Variants in RNF217 observed in about 807,000 individuals in gnomAD.
RNF217 encodes ring finger protein 217.
In RNF217, 31 loss-of-function variants were observed where a neutral mutation model predicts 57.8. The observed-to-expected ratio is 0.54, with a 90% CI of 0.40 to 0.72. The LOEUF is 0.72. Ranked by LOEUF, RNF217 falls within the 30% of genes least tolerant of loss-of-function variation. The probability of loss-of-function intolerance (pLI) is 0.00; values close to 1 mark genes in which losing one functional copy is unlikely to be tolerated. For synonymous variants in RNF217, 313 were observed against 294.0 expected, an observed-to-expected ratio of 1.06 and a Z score of -0.66; for missense variants, 696 against 708.3, an observed-to-expected ratio of 0.98 and a Z score of 0.20.
intron 2 of RNF217, among the ~76,000 whole-genome samples, chr6:125,047,252 A>G (rs1787131722): frequency 6.6e-6 from 1 of 152,224 alleles, no homozygotes; most frequent in Admixed American, 6.5e-5. Flanking sequence ...AGTGGGAATA[A>G]CTGAGTAACT....
At chr6:125,065,429 A>G (rs767563174) in intron 3 of RNF217, among the ~76,000 whole-genome samples, 1 of 152,202 alleles carries the variant, frequency 6.6e-6, no homozygotes, top group Non-Finnish European at 1.5e-5. Context: ...ACATGAGAAA[A>G]GCTCAATTCT....
At chr6:125,039,511 A>G (rs770983293) in intron 1 of RNF217, among the ~76,000 whole-genome samples, 13 of 152,138 alleles carry the variant, frequency 8.5e-5, no homozygotes, top group Non-Finnish European at 1.8e-4. Flanking sequence ...GGAGACTTTA[A>G]CACCACATTT....
chr6:125,003,123 C>T (rs1785051210), intron 1 of RNF217, among the ~76,000 whole-genome samples: 1 of 152,150 alleles, frequency 6.6e-6, no homozygotes, highest in African/African-American at 2.4e-5. Context: ...CACACACACA[C>T]ACACATACCT....
intron 1 of RNF217, among the ~76,000 whole-genome samples, chr6:124,999,040 G>T (rs149213998): frequency 5.3e-5 from 8 of 152,172 alleles, no homozygotes; most frequent in African/African-American, 1.9e-4. Flanking sequence ...AGAGCTTGCA[G>T]TTGATTTATA....
intron 3 of RNF217, among the ~76,000 whole-genome samples, chr6:125,059,299 G>T (rs898249232): frequency 7.9e-5 from 12 of 152,250 alleles, no homozygotes; most frequent in African/African-American, 2.4e-4. Context: ...TTCATCCACA[G>T]TCACCCATTT....
intron 1 of RNF217, among the ~76,000 whole-genome samples, chr6:124,999,097 G>A (rs893802690): frequency 6.6e-6 from 1 of 152,158 alleles, no homozygotes; most frequent in Non-Finnish European, 1.5e-5. Context: ...GTGACTTCGT[G>A]CCTCTAAAAA....
chr6:125,074,269 G>A (rs537977261), intron 3 of RNF217, among the ~76,000 whole-genome samples: 8 of 151,628 alleles, frequency 5.3e-5, no homozygotes, highest in Non-Finnish European at 1.0e-4. Flanking sequence ...AAACTCTCCA[G>A]TTAGGTAGGT....
At chr6:125,056,985 GC>G (rs1787548311) in intron 2 of RNF217, among the ~76,000 whole-genome samples, 2 of 152,142 alleles carry the variant, frequency 1.3e-5, no homozygotes, top group South Asian at 4.1e-4. Context: ...AAATATGAAG[GC>G]CCGTTTCTGA....
At chr6:125,024,710 ACT>A (rs1191051577) in intron 1 of RNF217, among the ~76,000 whole-genome samples, 3 of 137,726 alleles carry the variant, frequency 2.2e-5, no homozygotes, top group African/African-American at 8.4e-5. Flanking sequence ...ACAGGGTAAG[ACT>A]CTGTCTCAAA....
intron 1 of RNF217, among the ~76,000 whole-genome samples, chr6:124,967,567 G>A (rs779338970): frequency 8.5e-5 from 13 of 152,092 alleles, no homozygotes; most frequent in Non-Finnish European, 4.4e-5. Context: ...ATATAACTTG[G>A]AATGTATACA....
At position 125,085,214 on chromosome 6, in the gene RNF217, A is replaced by C. The variant is rs1788738840; in HGVS notation, c.*2277A>C. 1 of 151,764 alleles carries C rather than the reference A, an allele frequency of 6.6e-6. No homozygotes were observed. Among genetic ancestry groups the C allele is most frequent in the African/African-American group, 2.4e-5 (1 of 41,380 alleles). 9.4% of individuals were successfully genotyped at this position (151,764 alleles called of 1,614,324 possible). A position where few individuals can be genotyped will look rare whatever the true frequency, so the allele number is the denominator to read the frequency against. On this transcript the variant is annotated 3_prime_UTR_variant, in exon 6 of 6. Coordinates refer to ENST00000521654, the MANE Select transcript of RNF217 (RefSeq NM_001286398.3). The stretch of plus-strand genomic sequence containing the variant: ...TTTAAATAACTTATCTTTTGGACAT[A>C]TTTTTATATTATTTGGAAAACTTTC...
Position 125,076,712 on chromosome 6 carries a change from C to A in RNF217, c.1337C>A (p.Thr446Asn). The change falls in exon 4 of 6, where the codon ACT becomes AAT. Residue 446 changes from threonine (T) to asparagine (N), a missense_variant. Thr to Asn is a moderately conservative substitution (Grantham distance 65). Coordinates refer to ENST00000521654, the MANE Select transcript of RNF217 (RefSeq NM_001286398.3). ...CDHMTCSQCN[T>N]NFCYRCGERY... ...CATATGACCTGCTCACAATGTAACA[C>A]TAATTTTTGTTACCGATGTGGTGAG... is the stretch of plus-strand genomic sequence containing the variant. 6.2e-7 allele frequency: 1 copy of A among 1,613,258 alleles called. No homozygotes were observed. Among genetic ancestry groups the A allele is most frequent in the Non-Finnish European group, 8.5e-7 (1 of 1,179,390 alleles).
At chr6:125,008,170 G>A (rs1785264658) in intron 1 of RNF217, among the ~76,000 whole-genome samples, 1 of 151,966 alleles carries the variant, frequency 6.6e-6, no homozygotes, top group South Asian at 2.1e-4. Flanking sequence ...GCAGGAGAAT[G>A]GCGTGAACCC....
chr6:124,974,913 A>G (rs1783904673), intron 1 of RNF217, among the ~76,000 whole-genome samples: 2 of 152,088 alleles, frequency 1.3e-5, no homozygotes, highest in Non-Finnish European at 2.9e-5. Flanking sequence ...CCTGTTAGAG[A>G]TCTGTATTCC....
At chr6:125,039,556 A>G (rs536713839) in intron 1 of RNF217, among the ~76,000 whole-genome samples, 2 of 152,284 alleles carry the variant, frequency 1.3e-5, no homozygotes, top group African/African-American at 2.4e-5. Flanking sequence ...CAAAATTAAC[A>G]AGGACATTGA....
chr6:124,963,103 T>C lies in RNF217; in HGVS notation c.559T>C (p.Ser187Pro). Residue 187 changes from serine (S) to proline (P), a missense_variant, in exon 1 of 6, where the codon TCG becomes CCG. Physicochemically the swap from Ser to Pro is moderately conservative, Grantham distance 74. This residue lies in a region of RNF217 where 465 missense variants were observed against 386.8 expected (regional missense o/e 1.20). Coordinates refer to ENST00000521654, the MANE Select transcript of RNF217 (RefSeq NM_001286398.3). ...CTCGGAGCAGCTCTCGCCGCCCGCG[T>C]CGCCACCTGGGGCTCCGCCAGTGTT... is the stretch of plus-strand genomic sequence containing the variant. Reference protein sequence around the residue: ...PASEQLSPPASPPGAPPVLNP... With the variant: ...PASEQLSPPAPPPGAPPVLNP... 6.5e-7 allele frequency: 1 copy of C among 1,540,198 alleles called. No individual in the cohort carries two copies. The highest frequency in any genetic ancestry group is 8.7e-7 in the Non-Finnish European group (1 of 1,149,818).
intron 1 of RNF217, among the ~76,000 whole-genome samples, chr6:125,040,052 A>G (rs1177739798): frequency 5.9e-5 from 9 of 152,194 alleles, no homozygotes; most frequent in Non-Finnish European, 1.3e-4. Flanking sequence ...AAGAGCAAAC[A>G]AATTCAAAAG....
At chr6:125,073,356 G>A (rs1013242913) in intron 3 of RNF217, among the ~76,000 whole-genome samples, 2 of 152,152 alleles carry the variant, frequency 1.3e-5, no homozygotes, top group Non-Finnish European at 2.9e-5. Flanking sequence ...CTCACAGAAA[G>A]CTAAAGGGCT....
At chr6:125,080,859 G>A (rs578048593) in intron 4 of RNF217, among the ~76,000 whole-genome samples, 4 of 151,972 alleles carry the variant, frequency 2.6e-5, no homozygotes, top group Non-Finnish European at 4.4e-5. Flanking sequence ...AACTTTCAAC[G>A]TACTAGGTAT....
Sources: allele counts gnomAD v4.1 joint callset (sites outside exome capture counted in the v4.1 genomes callset), GRCh38; gene constraint gnomAD v4.1.1; regional missense constraint gnomAD v4.1.1; transcripts MANE v1.5; gene names NCBI Gene and HGNC (gene_info 2026-07-23, HGNC 2026-07-21).